Variants in PIP4K2A observed in about 807,000 individuals in gnomAD.
PIP4K2A encodes the protein phosphatidylinositol-5-phosphate 4-kinase type 2 alpha.
PIP4K2A carries 14 observed loss-of-function variants against 42.9 expected under a neutral mutation model. The observed-to-expected ratio is 0.33, with a 90% CI of 0.22 to 0.51. The LOEUF (loss-of-function observed/expected upper bound fraction) is 0.51. PIP4K2A is among the 20% of genes least tolerant of loss of function. PIP4K2A has a pLI of 0.97. For synonymous variants in PIP4K2A, 192 were observed against 192.2 expected (o/e 1.00, Z 0.01); for missense variants, 434 against 519.8 (o/e 0.83, Z 1.61).
chr10:22,573,390 T>A lies in PIP4K2A; in HGVS notation c.560A>T (p.Asp187Val), dbSNP rs2130795905. The A allele has an allele frequency of 1.9e-6, 3 of 1,613,644 alleles. No individual in the cohort carries two copies. Among genetic ancestry groups the A allele is most frequent in the East Asian group, 2.2e-5 (1 of 44,878 alleles). ...AACTATCACATATATTTCAACTCCA[T>A]CAACATTAAGCCGGTACATGCCCAA... ...QFLGMYRLNV[D>V]GVEIYVIVTR... The change falls in exon 5 of 10, where the codon GAT becomes GTT. Residue 187 changes from aspartate (D) to valine (V), a missense_variant. By Grantham distance (152) the Asp-to-Val change is radical (BLOSUM62 -3). Around this residue, in one of 2 missense-constraint regions of PIP4K2A, gnomAD observed 395 missense variants for 444.5 expected, o/e 0.89. Transcript: ENST00000376573.
intron 7 of PIP4K2A, among the ~76,000 whole-genome samples, chr10:22,542,795 G>A (rs753120134): frequency 6.6e-6 from 1 of 152,180 alleles, no homozygotes; most frequent in African/African-American, 2.4e-5. Context: ...TCAGCACAAC[G>A]TTCCAATGTT....
rs571742568 is a variant in PIP4K2A at position 22,619,169 on chromosome 10, TA to T, written c.145-9453del. ...TATAGGTTGAAACAATTAAGAACTT[TA>T]AAAAAAAAAATGAAGTTCTAATATG... On this transcript the variant is annotated intron_variant, in intron 1 of 9. Coordinates refer to ENST00000376573, the MANE Select transcript of PIP4K2A (RefSeq NM_005028.5). 7.5e-3 allele frequency among the ~76,000 whole-genome samples: 1,117 copies of T among 148,288 alleles called. 10 individuals are homozygous for T. Among genetic ancestry groups the T allele is most frequent in the African/African-American group, 0.023 (950 of 40,702 alleles).
At chr10:22,675,369 C>T (rs1296449332) in intron 1 of PIP4K2A, among the ~76,000 whole-genome samples, 1 of 152,094 alleles carries the variant, frequency 6.6e-6, no homozygotes, top group Non-Finnish European at 1.5e-5. Flanking sequence ...GGGCAGATCA[C>T]GAAATCAGGA....
In PIP4K2A at chr10:22,713,982, G is replaced by A. The variant is rs1044232599; in HGVS notation, c.144+201C>T. The A allele has an allele frequency of 1.2e-5, 6 of 519,480 alleles. No individual in the cohort carries two copies. The South Asian group carries it at 1.4e-4, about 12-fold the overall frequency. The allele number at this position is 519,480 out of a possible 1,614,324, so 32.2% of individuals were successfully genotyped here. ...CGCACCGGGCCATAGATCTAAAGGG[G>A]ACGCAAGTGGTGGTGCCTGGGCGGC... On this transcript the variant is annotated intron_variant, in intron 1 of 9. Transcript: ENST00000376573.
Position 22,643,922 on chromosome 10 carries a change from G to A in PIP4K2A, c.145-34205C>T, listed in dbSNP as rs556924291. 2.2e-3 allele frequency among the ~76,000 whole-genome samples: 340 copies of A among 152,154 alleles called. 2 individuals are homozygous for A. Among genetic ancestry groups the A allele is most frequent in the South Asian group, 0.021 (99 of 4,814 alleles). On this transcript the variant is annotated intron_variant, in intron 1 of 9. Transcript: ENST00000376573. The stretch of plus-strand genomic sequence containing the variant: ...CCTGGCCACTTCCCCTTCCCTTGGA[G>A]GGTTTATCATCCTCCAGAACCCAGC...
intron 1 of PIP4K2A, among the ~76,000 whole-genome samples, chr10:22,623,713 A>C (rs2130751073): frequency 6.6e-6 from 1 of 152,288 alleles, no homozygotes; most frequent in East Asian, 1.9e-4. Flanking sequence ...ATCTGGCTTT[A>C]ACTAAGCTAA....
At chr10:22,540,399 T>C (rs755348689) in intron 8 of PIP4K2A, among the ~76,000 whole-genome samples, 3 of 151,972 alleles carry the variant, frequency 2.0e-5, no homozygotes, top group Admixed American at 2.0e-4. Flanking sequence ...TCTTTAATAA[T>C]TGTGTATTGC....
rs371731002 is a variant in PIP4K2A at position 22,637,709 on chromosome 10, C to A, written c.145-27992G>T. On this transcript the variant is annotated intron_variant, in intron 1 of 9. Transcript: ENST00000376573. Reference sequence around the variant, plus strand: ...GCACCGGCCAAAAGGCTGCAGCAACCATGCTGCCCAGACGAAACCACAACT... The same window carrying A: ...GCACCGGCCAAAAGGCTGCAGCAACAATGCTGCCCAGACGAAACCACAACT... Among the ~76,000 whole-genome samples, 9 of 152,304 alleles carry A rather than the reference C, an allele frequency of 5.9e-5. No homozygotes were observed. In the East Asian group the frequency reaches 9.7e-4, roughly 16 times the overall value.
chr10:22,567,357 A>G (rs2130786943), intron 6 of PIP4K2A, among the ~76,000 whole-genome samples: 1 of 152,226 alleles, frequency 6.6e-6, no homozygotes, highest in East Asian at 1.9e-4. Context: ...TTTCTTAGGC[A>G]AAAAATACTT....
At chr10:22,627,929 C>G (rs1289523458) in intron 1 of PIP4K2A, among the ~76,000 whole-genome samples, 1 of 152,212 alleles carries the variant, frequency 6.6e-6, no homozygotes, top group Admixed American at 6.5e-5. Flanking sequence ...TACAATATTA[C>G]AGCTACCTTA....
chr10:22,696,857 T>C (rs1839982921), intron 1 of PIP4K2A, among the ~76,000 whole-genome samples: 1 of 152,128 alleles, frequency 6.6e-6, no homozygotes, highest in South Asian at 2.1e-4. Flanking sequence ...ATTCAAGCTT[T>C]AAAAAATAAG....
At chr10:22,575,187 A>G (rs1203648285) in intron 4 of PIP4K2A, among the ~76,000 whole-genome samples, 2 of 152,328 alleles carry the variant, frequency 1.3e-5, no homozygotes, top group East Asian at 1.9e-4. Context: ...ACTATACTGA[A>G]GATGATAATG....
intron 6 of PIP4K2A, among the ~76,000 whole-genome samples, chr10:22,558,275 T>C (rs1427388645): frequency 2.0e-5 from 3 of 152,214 alleles, no homozygotes; most frequent in Non-Finnish European, 4.4e-5. Flanking sequence ...AAAACCCCTT[T>C]TGCCGTGCTT....
rs530422296 is a variant in PIP4K2A at position 22,714,049 on chromosome 10, A to C, written c.144+134T>G. On this transcript the variant is annotated intron_variant, in intron 1 of 9. Coordinates refer to ENST00000376573, the MANE Select transcript of PIP4K2A (RefSeq NM_005028.5). ...ACGCGCCGCGGGGCTGGGGGCTTCG[A>C]GGCGGGCGAGCAGCCGGAGGTCCAG... 3.6e-4 allele frequency: 333 copies of C among 918,266 alleles called. 1 individual carries two copies. The African/African-American group carries it at 5.3e-3, about 15-fold the overall frequency. The allele number at this position is 918,266 out of a possible 1,614,324, so 56.9% of individuals were successfully genotyped here. A position where few individuals can be genotyped will look rare whatever the true frequency, so the allele number is the denominator to read the frequency against.
Position 22,539,877 on chromosome 10 carries a change from G to C in PIP4K2A, c.1140+94C>G. On this transcript the variant is annotated intron_variant, in intron 9 of 9. Transcript: ENST00000376573. ...TGATCCCTGAGTTACAGGTCACACA[G>C]AGGAGCCAGGAGAGAGAGAGAGAGA... 7.6e-6 allele frequency: 6 copies of C among 791,250 alleles called. No homozygotes were observed. The Admixed American group carries it at 1.1e-4, about 14-fold the overall frequency. 49.0% of individuals were successfully genotyped at this position (791,250 alleles called of 1,614,324 possible). A position where few individuals can be genotyped will look rare whatever the true frequency, so the allele number is the denominator to read the frequency against.
Position 22,714,196 on chromosome 10 carries a change from C to T in PIP4K2A, c.131G>A (p.Gly44Glu). 3 of 1,610,184 alleles carry T rather than the reference C, an allele frequency of 1.9e-6. No homozygotes were observed. The highest frequency in any genetic ancestry group is 2.5e-6 in the Non-Finnish European group (3 of 1,177,948). ...SDPLLSVLMWGVNHSINELSH... is the reference protein window; with the variant it reads ...SDPLLSVLMWEVNHSINELSH... ...CTGAGCCCTTACCGAGTGGTTTACCCCCCACATGAGGACGCTGAGCAGCGG... is the reference window on the plus strand; with the variant it reads ...CTGAGCCCTTACCGAGTGGTTTACCTCCCACATGAGGACGCTGAGCAGCGG... Residue 44 changes from glycine (G) to glutamate (E), a missense_variant, in exon 1 of 10, where the codon GGG becomes GAG. By Grantham distance (98) the Gly-to-Glu change is moderately conservative (BLOSUM62 -2). This residue lies in a region of PIP4K2A where 395 missense variants were observed against 444.5 expected (regional missense o/e 0.89). Coordinates refer to ENST00000376573, the MANE Select transcript of PIP4K2A (RefSeq NM_005028.5).
intron 1 of PIP4K2A, among the ~76,000 whole-genome samples, chr10:22,672,803 C>T (rs1390440254): frequency 6.6e-6 from 1 of 152,198 alleles, no homozygotes; most frequent in Non-Finnish European, 1.5e-5. Flanking sequence ...CTTCAAAATA[C>T]TGCCAAACTC....
intron 4 of PIP4K2A, among the ~76,000 whole-genome samples, chr10:22,588,130 T>A (rs1837439436): frequency 6.6e-6 from 1 of 152,242 alleles, no homozygotes. Context: ...ATGTCCACCT[T>A]TAATGGTCAA....
At chr10:22,544,470 C>A (rs112027363) in intron 7 of PIP4K2A, among the ~76,000 whole-genome samples, 4 of 152,210 alleles carry the variant, frequency 2.6e-5, no homozygotes, top group African/African-American at 9.6e-5. Context: ...CTCCCTAGAT[C>A]TACGGCTTCC....
Sources: allele counts gnomAD v4.1 joint callset (sites outside exome capture counted in the v4.1 genomes callset), GRCh38; gene constraint gnomAD v4.1.1; regional missense constraint gnomAD v4.1.1; transcripts MANE v1.5; gene names NCBI Gene and HGNC (gene_info 2026-07-23, HGNC 2026-07-21).